Variants in CELF2 observed in about 807,000 individuals in gnomAD.
CELF2 encodes the protein CUGBP Elav-like family member 2.
Under a neutral mutation model 62.6 loss-of-function variants are expected in CELF2, and 8 were observed. That is an observed-to-expected ratio of 0.13 (90% confidence interval 0.07 to 0.23). CELF2 has a LOEUF of 0.23. Ranked by LOEUF, CELF2 falls within the 10% of genes least tolerant of loss-of-function variation. The pLI is 1.00. For missense variants in CELF2, 333 were observed against 671.0 expected (o/e 0.50, Z 5.56); for synonymous variants, 258 against 250.0 (o/e 1.03, Z -0.30).
At chr10:11,013,956 A>T (rs961396155), upstream of CELF2, among the ~76,000 whole-genome samples, 3 of 152,242 alleles carry the variant, frequency 2.0e-5, no homozygotes, top group African/African-American at 7.2e-5. This position sits in a 1 kb window ranked among gnomAD's most constrained non-coding sequence, Gnocchi z 4.1. Flanking sequence ...AAGAACAAAC[A>T]CATGGTCACA....
At position 10,937,121 on chromosome 10, in the gene CELF2, CTT is replaced by C. The variant is rs373143426; in HGVS notation, c.89+17143_89+17144del. 5.2e-3 allele frequency among the ~76,000 whole-genome samples: 474 copies of C among 90,498 alleles called. 2 individuals carry two copies. Among genetic ancestry groups the C allele is most frequent in the South Asian group, 0.018 (49 of 2,682 alleles). The allele number at this position is 90,498 out of a possible 152,430, so 59.4% of individuals were successfully genotyped here. A position where few individuals can be genotyped will look rare whatever the true frequency, so the allele number is the denominator to read the frequency against. ...CTTTCTTCTTTTTTGTTTTTCTTTTCTTTTTTTTTTTTTTTTTTTTTTCGTGA... is the reference window on the plus strand; with the variant it reads ...CTTTCTTCTTTTTTGTTTTTCTTTTCTTTTTTTTTTTTTTTTTTTTCGTGA... On this transcript the variant is annotated intron_variant, in intron 2 of 13. Coordinates refer to the CELF2 transcript ENST00000636488.
chr10:10,956,167 G>C (rs989246637), intron 2 of CELF2, among the ~76,000 whole-genome samples: 8 of 152,122 alleles, frequency 5.3e-5, no homozygotes, highest in African/African-American at 1.9e-4. Context: ...AAGTTTGATG[G>C]GGAGCTTACT....
chr10:10,588,416 G>A, the CELF2 span, among the ~76,000 whole-genome samples: 2 of 152,122 alleles, frequency 1.3e-5, no homozygotes, highest in East Asian at 1.9e-4. Context: ...GATGAACCTG[G>A]CAGCTCTGGC....
chr10:11,306,445 CTCTG>C lies in CELF2; in HGVS notation c.977-7690_977-7687del, dbSNP rs1394670011. On this transcript the variant is annotated intron_variant, in intron 9 of 12. Transcript: ENST00000633077. The surrounding 1 kb of genome is among the most constrained non-coding windows in gnomAD (Gnocchi z 4.4). Reference sequence around the variant, plus strand: ...TGGGTGTTGGTGGCACCGCATGTGTCTCTGTCTAAGACCTCTTTCTCAATTGTGC... The same window carrying C: ...TGGGTGTTGGTGGCACCGCATGTGTCTCTAAGACCTCTTTCTCAATTGTGC... Among the ~76,000 whole-genome samples, 8 of 152,016 alleles carry C rather than the reference CTCTG, an allele frequency of 5.3e-5. No individual in the cohort carries two copies. The highest frequency in any genetic ancestry group is 2.1e-4 in the South Asian group (1 of 4,830).
chr10:10,851,644 A>C (rs2059389943), intron 1 of CELF2, among the ~76,000 whole-genome samples: 1 of 152,214 alleles, frequency 6.6e-6, no homozygotes. Flanking sequence ...AGACATCATT[A>C]AAAGAATGAA....
chr10:11,185,606 G>A (rs1192688928), intron 2 of CELF2, among the ~76,000 whole-genome samples: 1 of 152,056 alleles, frequency 6.6e-6, no homozygotes, highest in African/African-American at 2.4e-5. Flanking sequence ...TAGAGAGGGG[G>A]TTTCTCCATG....
chr10:11,022,840 T>A (rs1304830115), intron 1 of CELF2, among the ~76,000 whole-genome samples: 2 of 152,206 alleles, frequency 1.3e-5, no homozygotes, highest in Non-Finnish European at 2.9e-5. Flanking sequence ...GGGAATATGA[T>A]GTCATTGTTG....
chr10:10,618,206 C>T, the CELF2 span, among the ~76,000 whole-genome samples: 1 of 151,908 alleles, frequency 6.6e-6, no homozygotes, highest in Non-Finnish European at 1.5e-5. Flanking sequence ...GAATTTGAGA[C>T]CGTCACTCCC....
chr10:10,943,263 A>G (rs543100305), intron 2 of CELF2, among the ~76,000 whole-genome samples: 3 of 152,284 alleles, frequency 2.0e-5, no homozygotes, highest in African/African-American at 7.2e-5. Flanking sequence ...CAGCAATGAA[A>G]CCTAGACTGA....
intron 9 of CELF2, among the ~76,000 whole-genome samples, chr10:11,312,914 A>AGGGACAGG (rs2094651680): frequency 6.6e-6 from 1 of 152,248 alleles, no homozygotes; most frequent in South Asian, 2.1e-4. Context: ...AGTCTGGGCG[A>AGGGACAGG]CAGAGCGAGC....
the CELF2 span, among the ~76,000 whole-genome samples, chr10:10,607,257 C>T: frequency 6.6e-6 from 1 of 151,920 alleles, no homozygotes. Context: ...GGTTTTTGTT[C>T]AGGAATTTCA....
chr10:11,152,120 G>T (rs2063453337), intron 1 of CELF2, among the ~76,000 whole-genome samples: 1 of 152,168 alleles, frequency 6.6e-6, no homozygotes, highest in Non-Finnish European at 1.5e-5. Flanking sequence ...TGAAGAATGG[G>T]CTTGGGTAGG....
Position 11,211,401 on chromosome 10 carries a change from T to C in CELF2, c.272-6024T>C, listed in dbSNP as rs779040958. Among the ~76,000 whole-genome samples, 20 of 152,222 alleles carry C rather than the reference T, an allele frequency of 1.3e-4. No individual in the cohort carries two copies. Among genetic ancestry groups the C allele is most frequent in the Non-Finnish European group, 2.5e-4 (17 of 68,034 alleles). ...GAAACCTTGGAGGAAGTTTCTTTAA[T>C]GAGTATGGTGTCAGTTTTCTTAAGG... On this transcript the variant is annotated intron_variant, in intron 2 of 12. Transcript: ENST00000633077. This position sits in a 1 kb window ranked among gnomAD's most constrained non-coding sequence, Gnocchi z 4.8.
At chr10:10,825,215 G>A (rs1477255723) in intron 1 of CELF2, among the ~76,000 whole-genome samples, 1 of 151,686 alleles carries the variant, frequency 6.6e-6, no homozygotes, top group Non-Finnish European at 1.5e-5. Context: ...TTTGTTTTTT[G>A]TGTTTTGTTT....
intron 1 of CELF2, among the ~76,000 whole-genome samples, chr10:11,125,867 C>T (rs547300433): frequency 8.3e-4 from 124 of 149,606 alleles, no homozygotes; most frequent in Non-Finnish European, 1.4e-3. Context: ...TAATACTCTG[C>T]GCTTACTCTA....
At position 11,217,608 on chromosome 10, in the gene CELF2, T is replaced by C. The variant is rs558422252; in HGVS notation, c.354+101T>C. 28 of 878,142 alleles carry C rather than the reference T, an allele frequency of 3.2e-5. No individual in the cohort carries two copies. In the African/African-American group the frequency reaches 3.9e-4, roughly 12 times the overall value. The allele number at this position is 878,142 out of a possible 1,614,324, so 54.4% of individuals were successfully genotyped here. On this transcript the variant is annotated intron_variant, in intron 3 of 12. Coordinates refer to ENST00000633077, the MANE Select transcript of CELF2 (RefSeq NM_001326342.2). This position sits in a 1 kb window ranked among gnomAD's most constrained non-coding sequence, Gnocchi z 5.6. ...GGGCTCTTAGTGCCAAAAATGACTT[T>C]GGTCTTTTGAGGAGTGTGTGCTGAC...
intron 1 of CELF2, among the ~76,000 whole-genome samples, chr10:11,019,801 C>A (rs192935604): frequency 2.6e-5 from 4 of 152,302 alleles, no homozygotes; most frequent in African/African-American, 9.6e-5. Flanking sequence ...TGTCCCCCAT[C>A]TTAAAATATA....
chr10:10,467,368 A>G, the CELF2 span, among the ~76,000 whole-genome samples: 1 of 151,962 alleles, frequency 6.6e-6, no homozygotes, highest in African/African-American at 2.4e-5. Flanking sequence ...TAATTACCTT[A>G]GTTTATTTGT....
chr10:10,955,085 G>A (rs2048749261), intron 2 of CELF2, among the ~76,000 whole-genome samples: 1 of 152,188 alleles, frequency 6.6e-6, no homozygotes, highest in Non-Finnish European at 1.5e-5. Flanking sequence ...TTTATTGATT[G>A]CCTGCTAGGG....
Sources: gnomAD v4.1 joint callset for allele counts (sites outside exome capture counted in the v4.1 genomes callset) on GRCh38, gnomAD v4.1.1 for gene constraint, Gnocchi (gnomAD v3.1) non-coding constraint, MANE v1.5 for transcripts, NCBI Gene and HGNC (gene_info 2026-07-23, HGNC 2026-07-21) for gene names.